FOXN3: variants seen among roughly 807,000 people sequenced by gnomAD.
FOXN3 encodes the protein forkhead box N3, also known as forkhead box protein N3.
A neutral mutation model predicts 38.4 loss-of-function variants in FOXN3; 7 were observed. The observed-to-expected ratio is 0.18, with a 90% CI of 0.10 to 0.34. FOXN3 has a LOEUF of 0.34. Ranked by LOEUF, FOXN3 falls within the 10% of genes least tolerant of loss-of-function variation. The pLI, the probability that FOXN3 is intolerant of heterozygous loss-of-function variation, is 1.00. For missense variants in FOXN3, 456 were observed against 613.4 expected (o/e 0.74, Z 2.71); for synonymous variants, 230 against 242.2 (o/e 0.95, Z 0.47).
chr14:89,572,476 C>T (rs1368017433), intron 1 of FOXN3, among the ~76,000 whole-genome samples: 1 of 152,342 alleles, frequency 6.6e-6, no homozygotes, highest in East Asian at 1.9e-4. Flanking sequence ...GCCCGAGAAT[C>T]GCCCAGGCAC....
intron 1 of FOXN3, among the ~76,000 whole-genome samples, chr14:89,498,488 T>C (rs1377140376): frequency 1.3e-5 from 2 of 152,164 alleles, no homozygotes; most frequent in African/African-American, 4.8e-5. Flanking sequence ...CCAAAAGTGC[T>C]GGGATTACAG....
At chr14:89,578,342 T>C (rs1297610221) in intron 1 of FOXN3, among the ~76,000 whole-genome samples, 1 of 152,212 alleles carries the variant, frequency 6.6e-6, no homozygotes, top group Non-Finnish European at 1.5e-5. Flanking sequence ...CTTGACATTT[T>C]AGTGCTCAGG....
chr14:89,590,937 G>A (rs1369374203), intron 1 of FOXN3, among the ~76,000 whole-genome samples: 1 of 152,148 alleles, frequency 6.6e-6, no homozygotes, highest in African/African-American at 2.4e-5. Context: ...GTCAGGCCTT[G>A]CTGGGGTCAT....
chr14:89,564,058 T>C (rs1173358837), intron 1 of FOXN3, among the ~76,000 whole-genome samples: 1 of 152,126 alleles, frequency 6.6e-6, no homozygotes, highest in Non-Finnish European at 1.5e-5. Context: ...TTTCACCATG[T>C]TGGCCAGGCT....
chr14:89,401,954 T>A (rs1302332863), intron 2 of FOXN3, among the ~76,000 whole-genome samples: 3 of 152,104 alleles, frequency 2.0e-5, no homozygotes, highest in Non-Finnish European at 2.9e-5. Context: ...GTATTTACTG[T>A]CTCCTGCTGA....
In FOXN3 at chr14:89,355,688, A is replaced by G. The variant is rs141451589; in HGVS notation, c.544-4880T>C. On this transcript the variant is annotated intron_variant, in intron 2 of 5. Transcript: ENST00000557258. ...TGGACTACCATATATCTGCAGTAACATATAGTGAAATTTGTATTTGCATAG... is the reference window on the plus strand; with the variant it reads ...TGGACTACCATATATCTGCAGTAACGTATAGTGAAATTTGTATTTGCATAG... Among the ~76,000 whole-genome samples the G allele has an allele frequency of 4.3e-3, 653 of 152,360 alleles. 6 individuals are homozygous for G. Among genetic ancestry groups the G allele is most frequent in the African/African-American group, 0.015 (638 of 41,592 alleles).
chr14:89,496,131 T>C (rs932602494), intron 1 of FOXN3, among the ~76,000 whole-genome samples: 5 of 152,124 alleles, frequency 3.3e-5, no homozygotes, highest in African/African-American at 1.2e-4. Flanking sequence ...GCGAATCTCT[T>C]GAACCCGGGA....
At chr14:89,509,019 C>G (rs138883429) in intron 1 of FOXN3, among the ~76,000 whole-genome samples, 1 of 152,274 alleles carries the variant, frequency 6.6e-6, no homozygotes, top group African/African-American at 2.4e-5. Flanking sequence ...CACCTGCTAT[C>G]TACCCCCAGC....
chr14:89,305,785 C>T (rs763971), intron 3 of FOXN3, among the ~76,000 whole-genome samples: 1 of 152,230 alleles, frequency 6.6e-6, no homozygotes, highest in Non-Finnish European at 1.5e-5. Context: ...ACGGATCTAA[C>T]TAAATACAAT....
rs994403576 is a variant in FOXN3 at position 89,180,972 on chromosome 14, TCACA to T, written c.746-170_746-167del. Among the ~76,000 whole-genome samples the T allele has an allele frequency of 2.0e-4, 20 of 101,200 alleles. 1 individual carries two copies. Among genetic ancestry groups the T allele is most frequent in the Admixed American group, 1.7e-3 (18 of 10,602 alleles). 66.4% of individuals were successfully genotyped at this position (101,200 alleles called of 152,430 possible). On this transcript the variant is annotated intron_variant, in intron 4 of 5. Coordinates refer to ENST00000557258, the MANE Select transcript of FOXN3 (RefSeq NM_005197.4). Reference sequence around the variant, plus strand: ...TGCACATACACACACACACACACAGTCACACAGACATGCACAGACACACACTCAC... The same window carrying T: ...TGCACATACACACACACACACACAGTCAGACATGCACAGACACACACTCAC...
chr14:89,204,582 T>G (rs1227045395), intron 4 of FOXN3, among the ~76,000 whole-genome samples: 1 of 152,232 alleles, frequency 6.6e-6, no homozygotes, highest in Non-Finnish European at 1.5e-5. Context: ...ATATTATCAG[T>G]TGAAAAATAA....
Position 89,601,966 on chromosome 14 carries a change from G to GCC in FOXN3, c.-15+17061_-15+17062insGG, listed in dbSNP as rs534051308. Among the ~76,000 whole-genome samples the GCC allele has an allele frequency of 8.5e-5, 13 of 152,296 alleles. No individual in the cohort carries two copies. The East Asian group carries it at 2.1e-3, about 25-fold the overall frequency. ...AAGATAACATATCAGAAATAACTGA[G>GCC]ACAGACTAATCTGATGTCCCATGGA... On this transcript the variant is annotated intron_variant, in intron 1 of 6. Coordinates refer to the FOXN3 transcript ENST00000345097.
chr14:89,583,593 C>T (rs1895788115), intron 1 of FOXN3, among the ~76,000 whole-genome samples: 1 of 152,210 alleles, frequency 6.6e-6, no homozygotes, highest in Admixed American at 6.5e-5. Context: ...TGGAGTCTCA[C>T]TCTGTTGCCC....
chr14:89,406,693 A>T (rs1359368075), intron 2 of FOXN3, among the ~76,000 whole-genome samples: 1 of 152,220 alleles, frequency 6.6e-6, no homozygotes, highest in African/African-American at 2.4e-5. Flanking sequence ...AGCTCTGGAT[A>T]TAATAAACAT....
intron 3 of FOXN3, among the ~76,000 whole-genome samples, chr14:89,303,924 CT>C (rs1887296825): frequency 6.6e-6 from 1 of 152,160 alleles, no homozygotes; most frequent in Non-Finnish European, 1.5e-5. Context: ...GACAAGACGC[CT>C]TGTAACTTTG....
At chr14:89,433,370 T>C (rs1199869209) in intron 1 of FOXN3, among the ~76,000 whole-genome samples, 1 of 152,206 alleles carries the variant, frequency 6.6e-6, no homozygotes, top group African/African-American at 2.4e-5. Flanking sequence ...TAGTCCCAGC[T>C]ACTCGGTAGA....
At chr14:89,575,289 T>A (rs1158525466) in intron 1 of FOXN3, among the ~76,000 whole-genome samples, 1 of 152,170 alleles carries the variant, frequency 6.6e-6, no homozygotes. Context: ...CTGGGTAGGC[T>A]CACAGGTCAG....
At chr14:89,450,586 T>C (rs1324450950) in intron 1 of FOXN3, among the ~76,000 whole-genome samples, 1 of 121,928 alleles carries the variant, frequency 8.2e-6, no homozygotes, top group African/African-American at 3.3e-5. Flanking sequence ...CGACTTCATC[T>C]TTCCTTTTTT....
chr14:89,209,562 C>T (rs1888469549), intron 4 of FOXN3, among the ~76,000 whole-genome samples: 3 of 152,086 alleles, frequency 2.0e-5, no homozygotes, highest in South Asian at 4.1e-4. Flanking sequence ...AATAAATGGC[C>T]CTGAGAAATA....
Sources: gnomAD v4.1 joint callset for allele counts (sites outside exome capture counted in the v4.1 genomes callset) on GRCh38, gnomAD v4.1.1 for gene constraint, MANE v1.5 for transcripts, NCBI Gene and HGNC (gene_info 2026-07-23, HGNC 2026-07-21) for gene names.